The following PLPP6 variants were observed in gnomAD, a reference collection of about 807,000 sequenced individuals.
The protein encoded by PLPP6 is phospholipid phosphatase 6, also known as polyisoprenoid diphosphate/phosphate phosphohydrolase PLPP6.
A neutral mutation model predicts 16.5 loss-of-function variants in PLPP6; 16 were observed. The observed-to-expected ratio is 0.97, with a 90% CI of 0.66 to 1.47. The LOEUF is 1.47. Ranked by LOEUF, PLPP6 falls within the 40% of genes most tolerant of loss-of-function variation. The pLI is 0.00. For missense variants in PLPP6, 512 were observed against 396.6 expected, an observed-to-expected ratio of 1.29 and a Z score of -2.47; for synonymous variants, 226 against 188.1, an observed-to-expected ratio of 1.20 and a Z score of -1.65.
At position 4,664,310 on chromosome 9, in the gene PLPP6, A is replaced by G. The variant is rs1840518192; in HGVS notation, c.*1047A>G. 6.0e-6 allele frequency: 1 copy of G among 166,910 alleles called. No homozygotes were observed. Among genetic ancestry groups the G allele is most frequent in the African/African-American group, 2.4e-5 (1 of 41,454 alleles). 10.3% of individuals were successfully genotyped at this position (166,910 alleles called of 1,614,324 possible). A position where few individuals can be genotyped will look rare whatever the true frequency, so the allele number is the denominator to read the frequency against. On this transcript the variant is annotated 3_prime_UTR_variant, in exon 1 of 1. Coordinates refer to ENST00000381883, the MANE Select transcript of PLPP6 (RefSeq NM_203453.5). ...GGGAAAAGGAACGTCTTCTCAATGC[A>G]AGAACATAAGCTTTCTCGTATATAC...
Position 4,663,873 on chromosome 9 carries a change from T to A in PLPP6, c.*610T>A, listed in dbSNP as rs1840435259. 1 of 167,036 alleles carries A rather than the reference T, an allele frequency of 6.0e-6. No individual in the cohort carries two copies. The highest frequency in any genetic ancestry group is 1.5e-5 in the Non-Finnish European group (1 of 68,118). The allele number at this position is 167,036 out of a possible 1,614,324, so 10.3% of individuals were successfully genotyped here. ...CTCTATAATTTATTATCTCTATCCA[T>A]ATTTGTGGATCGGGTAGTGGGAAAA... On this transcript the variant is annotated 3_prime_UTR_variant, in exon 1 of 1. Transcript: ENST00000381883.
At position 4,663,567 on chromosome 9, in the gene PLPP6, T is replaced by C. The variant is rs1840370181; in HGVS notation, c.*304T>C. 3.1e-6 allele frequency: 1 copy of C among 321,658 alleles called. No homozygotes were observed. The highest frequency in any genetic ancestry group is 6.1e-6 in the Non-Finnish European group (1 of 164,698). The allele number at this position is 321,658 out of a possible 1,614,324, so 19.9% of individuals were successfully genotyped here. On this transcript the variant is annotated 3_prime_UTR_variant, in exon 1 of 1. Transcript: ENST00000381883. Reference sequence around the variant, plus strand: ...GCTGAGGTGGTTATACTGTTGCTGTTAAAAGTTGGTATCAGTAAGATTTGT... The same window carrying C: ...GCTGAGGTGGTTATACTGTTGCTGTCAAAAGTTGGTATCAGTAAGATTTGT...
chr9:4,662,742 G>C lies in PLPP6; in HGVS notation c.367G>C (p.Glu123Gln), dbSNP rs1296935725. 3 of 1,603,348 alleles carry C rather than the reference G, an allele frequency of 1.9e-6. No individual in the cohort carries two copies. The highest frequency in any genetic ancestry group is 2.5e-6 in the Non-Finnish European group (3 of 1,179,950). The stretch of plus-strand genomic sequence containing the variant: ...CAAGAAGCTGGGGGTGTGCGCGGGA[G>C]AGAGCTCGTCGTGGGGCAGCGTGCG... ...LSKKLGVCAG[E>Q]SSSWGSVRPL... is the part of the protein sequence containing the mutation. Residue 123 changes from glutamate to glutamine, a missense_variant, in exon 1 of 1, where the codon GAG (glutamate) becomes CAG (glutamine). Transcript: ENST00000381883. The surrounding 1 kb of genome is among the most constrained non-coding windows in gnomAD (Gnocchi z 4.9).
chr9:4,662,461 A>C lies in PLPP6; in HGVS notation c.86A>C (p.His29Pro), dbSNP rs1840053236. 2 of 1,547,548 alleles carry C rather than the reference A, an allele frequency of 1.3e-6. No individual in the cohort carries two copies. The highest frequency in any genetic ancestry group is 1.7e-6 in the Non-Finnish European group (2 of 1,155,902). Residue 29 changes from histidine to proline, a missense_variant, in exon 1 of 1, where the codon CAT (histidine) becomes CCT (proline). His to Pro is a moderately conservative substitution (Grantham distance 77). Transcript: ENST00000381883. This position sits in a 1 kb window ranked among gnomAD's most constrained non-coding sequence, Gnocchi z 4.9. ...AGCAGCAGCCCCGGCAGCCCAGCCC[A>C]TGGCGGCGGTGGCGGCGGCAGCAGG... ...SSSSSPGSPAHGGGGGGSRFE... is the reference protein window; with the variant it reads ...SSSSSPGSPAPGGGGGGSRFE...
rs776223583 is a variant in PLPP6, at chr9:4,663,015, C to G, written c.640C>G (p.His214Asp). ...SVDKYSFPSG[H>D]ATRAALMSRF... ...GGACAAGTACTCCTTCCCCTCGGGC[C>G]ATGCCACAAGGGCCGCCCTGATGTC... Residue 214 changes from histidine to aspartate, a missense_variant, in exon 1 of 1, where the codon CAT becomes GAT. By Grantham distance (81) the His-to-Asp change is moderately conservative. Transcript: ENST00000381883. 6.6e-5 allele frequency: 106 copies of G among 1,613,686 alleles called. No individual in the cohort carries two copies. Among genetic ancestry groups the G allele is most frequent in the Non-Finnish European group, 8.8e-5 (104 of 1,179,970 alleles).
Position 4,663,267 on chromosome 9 carries a change from C to T in PLPP6, c.*4C>T, listed in dbSNP as rs1251811771. 1.9e-5 allele frequency: 31 copies of T among 1,608,894 alleles called. No homozygotes were observed. Among genetic ancestry groups the T allele is most frequent in the Non-Finnish European group, 2.4e-5 (28 of 1,176,254 alleles). On this transcript the variant is annotated 3_prime_UTR_variant, in exon 1 of 1. Transcript: ENST00000381883. ...TTTACTGTGGAGTCAACGATGACAC[C>T]ATCTCATTGATTATGGCACCAGGAA...
In PLPP6 at chr9:4,664,688, T is replaced by C. The variant is rs1178842587; in HGVS notation, c.*1425T>C. 1 of 167,090 alleles carries C rather than the reference T, an allele frequency of 6.0e-6. No homozygotes were observed. The highest frequency in any genetic ancestry group is 2.4e-5 in the African/African-American group (1 of 41,448). 10.4% of individuals were successfully genotyped at this position (167,090 alleles called of 1,614,324 possible). A position where few individuals can be genotyped will look rare whatever the true frequency, so the allele number is the denominator to read the frequency against. ...GATAATCTTAATGACTATTTTGGCA[T>C]TTATAAATAGAAATGATTATGGACT... On this transcript the variant is annotated 3_prime_UTR_variant, in exon 1 of 1. Coordinates refer to ENST00000381883, the MANE Select transcript of PLPP6 (RefSeq NM_203453.5).
At position 4,662,749 on chromosome 9, in the gene PLPP6, C is replaced by T. The variant is rs1230093485; in HGVS notation, c.374C>T (p.Ser125Leu). Residue 125 changes from serine (S) to leucine (L), a missense_variant, in exon 1 of 1, where the codon TCG becomes TTG. Transcript: ENST00000381883. This position sits in a 1 kb window ranked among gnomAD's most constrained non-coding sequence, Gnocchi z 4.9. ...CTGGGGGTGTGCGCGGGAGAGAGCT[C>T]GTCGTGGGGCAGCGTGCGACCCCTT... ...KKLGVCAGES[S>L]SWGSVRPLMK... is the part of the protein sequence containing the mutation. 5.6e-6 allele frequency: 9 copies of T among 1,603,596 alleles called. No individual in the cohort carries two copies. Among genetic ancestry groups the T allele is most frequent in the Non-Finnish European group, 7.6e-6 (9 of 1,179,926 alleles).
At position 4,664,228 on chromosome 9, in the gene PLPP6, C is replaced by T. The variant is rs1840506591; in HGVS notation, c.*965C>T. 2.4e-5 allele frequency: 4 copies of T among 167,072 alleles called. No individual in the cohort carries two copies. The South Asian group carries it at 8.3e-4, about 35-fold the overall frequency. The allele number at this position is 167,072 out of a possible 1,614,324, so 10.3% of individuals were successfully genotyped here. On this transcript the variant is annotated 3_prime_UTR_variant, in exon 1 of 1. Transcript: ENST00000381883. ...CAGTATGACAGGAGATGGGGCCCTG[C>T]TGCCAGTCATCTCCACTGAATAAAG...
In PLPP6 at chr9:4,662,963, G is replaced by C; in HGVS notation, c.588G>C (p.Gln196His). The change falls in exon 1 of 1, where the codon CAG becomes CAC. Residue 196 changes from glutamine (Q) to histidine (H), a missense_variant. Coordinates refer to ENST00000381883, the MANE Select transcript of PLPP6 (RefSeq NM_203453.5). This position sits in a 1 kb window ranked among gnomAD's most constrained non-coding sequence, Gnocchi z 4.9. ...LVRRRRPAHN[Q>H]MDMFVTLSVD... is the part of the protein sequence containing the mutation. ...GCAGGCGCCGCCCGGCCCACAACCAGATGGACATGTTTGTCACTCTCTCGG... is the reference window on the plus strand; with the variant it reads ...GCAGGCGCCGCCCGGCCCACAACCACATGGACATGTTTGTCACTCTCTCGG... 1.2e-6 allele frequency: 2 copies of C among 1,612,734 alleles called. No individual in the cohort carries two copies. The highest frequency in any genetic ancestry group is 1.7e-6 in the Non-Finnish European group (2 of 1,179,922).
At position 4,665,014 on chromosome 9, in the gene PLPP6, G is replaced by A. The variant is rs1439812002; in HGVS notation, c.*1751G>A. On this transcript the variant is annotated 3_prime_UTR_variant, in exon 1 of 1. Coordinates refer to ENST00000381883, the MANE Select transcript of PLPP6 (RefSeq NM_203453.5). ...GAAGCAAATGATATTTCCTCTTGCA[G>A]TGTCCACAAATCTGAATATTAGGGG... 1 of 167,102 alleles carries A rather than the reference G, an allele frequency of 6.0e-6. No individual in the cohort carries two copies. The highest frequency in any genetic ancestry group is 1.5e-5 in the Non-Finnish European group (1 of 68,132). 10.4% of individuals were successfully genotyped at this position (167,102 alleles called of 1,614,324 possible).
chr9:4,662,397 A>T lies in PLPP6; in HGVS notation c.22A>T (p.Met8Leu), dbSNP rs1331154300. 2 of 1,534,772 alleles carry T rather than the reference A, an allele frequency of 1.3e-6. No individual in the cohort carries two copies. Among genetic ancestry groups the T allele is most frequent in the South Asian group, 2.4e-5 (2 of 83,538 alleles). Residue 8 changes from methionine to leucine, a missense_variant, in exon 1 of 1, where the codon ATG becomes TTG. Met to Leu is a conservative substitution (Grantham distance 15). Coordinates refer to ENST00000381883, the MANE Select transcript of PLPP6 (RefSeq NM_203453.5). The surrounding 1 kb of genome is among the most constrained non-coding windows in gnomAD (Gnocchi z 4.9). Reference protein sequence around the residue: MPSPRRSMEGRPLGVSAS... With the variant: MPSPRRSLEGRPLGVSAS... ...TGCGATGCCAAGTCCCCGGAGGAGC[A>T]TGGAGGGACGGCCGCTGGGCGTCTC... is the stretch of plus-strand genomic sequence containing the variant.
In PLPP6 at chr9:4,662,632, T is replaced by C; in HGVS notation, c.257T>C (p.Leu86Pro). 1 of 1,597,528 alleles carries C rather than the reference T, an allele frequency of 6.3e-7. No homozygotes were observed. The highest frequency in any genetic ancestry group is 8.5e-7 in the Non-Finnish European group (1 of 1,178,942). ...AGPSQSPAPP[L>P]PEEDRMDLNP... is the part of the protein sequence containing the mutation. Reference sequence around the variant, plus strand: ...CCCTCGCAGTCGCCCGCGCCTCCGCTGCCCGAGGAGGACCGCATGGACTTG... The same window carrying C: ...CCCTCGCAGTCGCCCGCGCCTCCGCCGCCCGAGGAGGACCGCATGGACTTG... Residue 86 changes from leucine to proline, a missense_variant, in exon 1 of 1, where the codon CTG (leucine) becomes CCG (proline). Leu to Pro is a moderately conservative substitution (Grantham distance 98, BLOSUM62 -3). Coordinates refer to ENST00000381883, the MANE Select transcript of PLPP6 (RefSeq NM_203453.5). The surrounding 1 kb of genome is among the most constrained non-coding windows in gnomAD (Gnocchi z 4.9).
In PLPP6 at chr9:4,663,237, C is replaced by T; in HGVS notation, c.862C>T (p.Leu288Phe). 1.2e-6 allele frequency: 2 copies of T among 1,613,882 alleles called. No homozygotes were observed. The highest frequency in any genetic ancestry group is 1.7e-6 in the Non-Finnish European group (2 of 1,179,844). ...CWLSPHNAPVLFLLWSQR is the reference protein window; with the variant it reads ...CWLSPHNAPVFFLLWSQR ...GCTCTCACCCCATAATGCTCCGGTC[C>T]TCTTTTTACTGTGGAGTCAACGATG... is the stretch of plus-strand genomic sequence containing the variant. Residue 288 changes from leucine (L) to phenylalanine (F), a missense_variant, in exon 1 of 1, where the codon CTC (leucine) becomes TTC (phenylalanine). By Grantham distance (22) the Leu-to-Phe change is conservative (BLOSUM62 0). Transcript: ENST00000381883.
At position 4,663,372 on chromosome 9, in the gene PLPP6, C is replaced by T. The variant is rs573647815; in HGVS notation, c.*109C>T. On this transcript the variant is annotated 3_prime_UTR_variant, in exon 1 of 1. Transcript: ENST00000381883. ...TGTCCCTCTTAGGCATTTCAGGCTT[C>T]CTTTGGGATTTCAGGTGTCCCATGA... 8.4e-7 allele frequency: 1 copy of T among 1,187,164 alleles called. No individual in the cohort carries two copies. Among genetic ancestry groups the T allele is most frequent in the East Asian group, 2.4e-5 (1 of 42,540 alleles). The allele number at this position is 1,187,164 out of a possible 1,614,324, so 73.5% of individuals were successfully genotyped here.
chr9:4,662,889 GC>G lies in PLPP6; in HGVS notation c.517del (p.Leu173CysfsTer10). The G allele has an allele frequency of 6.2e-7, 1 of 1,607,368 alleles. No homozygotes were observed. The highest frequency in any genetic ancestry group is 8.5e-7 in the Non-Finnish European group (1 of 1,179,948). On this transcript the variant is annotated frameshift_variant, in exon 1 of 1. Coordinates refer to ENST00000381883, the MANE Select transcript of PLPP6 (RefSeq NM_203453.5). LOFTEE classifies it high-confidence loss of function. This position sits in a 1 kb window ranked among gnomAD's most constrained non-coding sequence, Gnocchi z 4.9. ...GREVLMNLLF[A>X]LLLDLLLVAL... is the part of the protein sequence containing the mutation. ...CGAGGTGCTGATGAACCTGCTCTTC[GC>G]CCTGCTGTTGGACCTGCTGCTGGTG...
At position 4,662,503 on chromosome 9, in the gene PLPP6, T is replaced by C; in HGVS notation, c.128T>C (p.Leu43Pro). The C allele has an allele frequency of 6.4e-7, 1 of 1,560,042 alleles. No homozygotes were observed. The highest frequency in any genetic ancestry group is 8.6e-7 in the Non-Finnish European group (1 of 1,162,380). The change falls in exon 1 of 1, where the codon CTG (leucine) becomes CCG (proline). Residue 43 changes from leucine to proline, a missense_variant. Coordinates refer to ENST00000381883, the MANE Select transcript of PLPP6 (RefSeq NM_203453.5). The surrounding 1 kb of genome is among the most constrained non-coding windows in gnomAD (Gnocchi z 4.9). ...GGGSRFEFQS[L>P]LSSRATAVDP... ...GGCAGCAGGTTTGAGTTCCAGTCCC[T>C]GCTCAGCAGCCGCGCCACGGCCGTG...
Position 4,663,458 on chromosome 9 carries a change from G to A in PLPP6, c.*195G>A. On this transcript the variant is annotated 3_prime_UTR_variant, in exon 1 of 1. Coordinates refer to ENST00000381883, the MANE Select transcript of PLPP6 (RefSeq NM_203453.5). ...CATTACTGAACACAGCCATATTAGGGAAAGCAAAAAAACCCAAAAAATCCT... is the reference window on the plus strand; with the variant it reads ...CATTACTGAACACAGCCATATTAGGAAAAGCAAAAAAACCCAAAAAATCCT... 1 of 599,332 alleles carries A rather than the reference G, an allele frequency of 1.7e-6. No homozygotes were observed. The highest frequency in any genetic ancestry group is 2.9e-5 in the South Asian group (1 of 34,674). 37.1% of individuals were successfully genotyped at this position (599,332 alleles called of 1,614,324 possible).
In PLPP6 at chr9:4,662,408, G is replaced by A. The variant is rs774159286; in HGVS notation, c.33G>A (p.Arg11=). ...GTCCCCGGAGGAGCATGGAGGGACG[G>A]CCGCTGGGCGTCTCCGCTTCGAGCA... MPSPRRSMEG[R]PLGVSASSSS... The change falls in exon 1 of 1, where the codon CGG becomes CGA. Residue 11 remains arginine, a synonymous_variant. Coordinates refer to ENST00000381883, the MANE Select transcript of PLPP6 (RefSeq NM_203453.5). The surrounding 1 kb of genome is among the most constrained non-coding windows in gnomAD (Gnocchi z 4.9). The A allele has an allele frequency of 2.0e-6, 3 of 1,535,614 alleles. No individual in the cohort carries two copies. Among genetic ancestry groups the A allele is most frequent in the Admixed American group, 2.0e-5 (1 of 50,966 alleles).
Sources: allele counts gnomAD v4.1 joint callset, GRCh38; gene constraint gnomAD v4.1.1; non-coding constraint Gnocchi (gnomAD v3.1); transcripts MANE v1.5; gene names NCBI Gene and HGNC (gene_info 2026-07-23, HGNC 2026-07-21).